MINDY4B: variants seen among roughly 807,000 people sequenced by gnomAD.
MINDY4B encodes the protein inactive ubiquitin carboxyl-terminal hydrolase MINDY-4B.
A neutral mutation model predicts 16.7 loss-of-function variants in MINDY4B; 25 were observed. That is an observed-to-expected ratio of 1.49 (90% CI 1.09 to 2.09). The LOEUF (loss-of-function observed/expected upper bound fraction) is 2.09, where lower values mean the gene tolerates loss of function less well. Ranked by LOEUF, MINDY4B falls within the 30% of genes most tolerant of loss-of-function variation. The pLI is 0.00. For synonymous variants in MINDY4B, 132 were observed against 61.9 expected, an observed-to-expected ratio of 2.13 and a Z score of -5.32; for missense variants, 327 against 168.4, an observed-to-expected ratio of 1.94 and a Z score of -5.21.
In MINDY4B at chr3:150,905,391, A is replaced by T. The variant is rs1712215613; in HGVS notation, c.49T>A (p.Leu17Ile). ...GAAATTTTCCTTGAGATCTCCTCTA[A>T]ATCCAGCTGTTCGGAGCTTTGTTCC... ...GQEQSSEQLD[L>I]EEISRKISFL... Residue 17 changes from leucine to isoleucine, a missense_variant, in exon 1 of 12, where the codon TTA (leucine) becomes ATA (isoleucine). Physicochemically the swap from Leu to Ile is conservative, Grantham distance 5. Transcript: ENST00000465419. 1 of 398,464 alleles carries T rather than the reference A, an allele frequency of 2.5e-6. No individual in the cohort carries two copies. The allele number at this position is 398,464 out of a possible 1,614,324, so 24.7% of individuals were successfully genotyped here. A position where few individuals can be genotyped will look rare whatever the true frequency, so the allele number is the denominator to read the frequency against.
At chr3:150,904,943 T>G (rs1286903646) in intron 2 of MINDY4B, 119 bp downstream of exon 2, 1 of 397,700 alleles carries the variant, frequency 2.5e-6, no homozygotes, top group Non-Finnish European at 4.4e-6. Flanking sequence ...TTTTCACGCG[T>G]TAAATGCCAG....
intron 10 of MINDY4B, among the ~76,000 whole-genome samples, chr3:150,874,409 G>A (rs1576608950): frequency 6.6e-6 from 1 of 152,188 alleles, no homozygotes; most frequent in South Asian, 2.1e-4. Flanking sequence ...CAAACTTCTA[G>A]TGCGTTTCTA....
rs60659488 is a variant in MINDY4B, at chr3:150,880,305, C to CTGTGTGTGTGTGTG, written c.1059+2578_1059+2591dup. ...CCTCACCTTTATGCCAGGTTCCCAT[C>CTGTGTGTGTGTGTG]TGTGTGTGTGTGTGTGTGTGTGTGT... On this transcript the variant is annotated intron_variant, in intron 10 of 11. Coordinates refer to ENST00000465419, the MANE Select transcript of MINDY4B (RefSeq NM_001351281.2). Among the ~76,000 whole-genome samples, 385 of 149,884 alleles carry CTGTGTGTGTGTGTG rather than the reference C, an allele frequency of 2.6e-3. 1 individual carries two copies. Among genetic ancestry groups the CTGTGTGTGTGTGTG allele is most frequent in the African/African-American group, 8.5e-3 (346 of 40,820 alleles).
intron 3 of MINDY4B, among the ~76,000 whole-genome samples, chr3:150,902,576 C>T (rs1431649036): frequency 6.6e-6 from 1 of 152,228 alleles, no homozygotes. Context: ...TTTGCCAAGG[C>T]ACTACCTCCA....
intron 3 of MINDY4B, among the ~76,000 whole-genome samples, chr3:150,896,917 A>T (rs1711986807): frequency 6.6e-6 from 1 of 152,244 alleles, no homozygotes; most frequent in South Asian, 2.1e-4. Context: ...GCCACACATG[A>T]TAAAAATATA....
intron 10 of MINDY4B, among the ~76,000 whole-genome samples, chr3:150,876,817 G>A (rs1406598445): frequency 1.3e-5 from 2 of 152,212 alleles, no homozygotes; most frequent in East Asian, 1.9e-4. Flanking sequence ...AGTGGCAGGT[G>A]TGAAGATAAT....
chr3:150,891,629 G>A (rs1181856486), intron 5 of MINDY4B, among the ~76,000 whole-genome samples: 1 of 151,976 alleles, frequency 6.6e-6, no homozygotes, highest in Non-Finnish European at 1.5e-5. Flanking sequence ...GGGCATGGTG[G>A]CAGGCGCCTG....
intron 11 of MINDY4B, among the ~76,000 whole-genome samples, chr3:150,871,562 AAAG>A (rs1195152968): frequency 6.6e-6 from 1 of 152,000 alleles, no homozygotes; most frequent in African/African-American, 2.4e-5. Flanking sequence ...AAAAAAAAAA[AAAG>A]AGGCCAGGCA....
At chr3:150,891,545 T>A (rs916925788) in intron 5 of MINDY4B, among the ~76,000 whole-genome samples, 1 of 152,068 alleles carries the variant, frequency 6.6e-6, no homozygotes, top group African/African-American at 2.4e-5. Context: ...GTGGATAACT[T>A]GAGGTCAGGA....
chr3:150,873,526 C>G (rs1164406753), intron 10 of MINDY4B, among the ~76,000 whole-genome samples, 159 bp from the exon 11 acceptor site: 1 of 152,120 alleles, frequency 6.6e-6, no homozygotes, highest in Non-Finnish European at 1.5e-5. Context: ...ATCAAGGCTT[C>G]GTCATGAATA....
At chr3:150,893,687 G>T (rs1711879162) in intron 4 of MINDY4B, among the ~76,000 whole-genome samples, 1 of 64,544 alleles carries the variant, frequency 1.5e-5, no homozygotes. Flanking sequence ...CTTCATAGTA[G>T]TTTTTTTTTG....
chr3:150,871,861 C>T (rs542080787), intron 11 of MINDY4B, among the ~76,000 whole-genome samples: 8 of 152,222 alleles, frequency 5.3e-5, no homozygotes, highest in East Asian at 1.9e-4. Context: ...ACCAACCAAC[C>T]GACCCCACTT....
In MINDY4B at chr3:150,885,461, G is replaced by GAAAAGAAAAGC. The variant is rs57919280; in HGVS notation, c.754-24_754-23insGCTTTTCTTTT. On this transcript the variant is annotated intron_variant, in intron 7 of 11. Coordinates refer to ENST00000465419, the MANE Select transcript of MINDY4B (RefSeq NM_001351281.2). ...GAACTGTTCGGAAAAGAAAAGAAAA[G>GAAAAGAAAAGC]CATGTTGGTCTAAAAGCAACACAGA... is the stretch of plus-strand genomic sequence containing the variant. The GAAAAGAAAAGC allele has an allele frequency of 0.027, 18,569 of 699,402 alleles. 2,457 individuals carry two copies. The African/African-American group carries it at 0.28, about 11-fold the overall frequency. 43.3% of individuals were successfully genotyped at this position (699,402 alleles called of 1,614,324 possible). A position where few individuals can be genotyped will look rare whatever the true frequency, so the allele number is the denominator to read the frequency against.
rs146654774 is a variant in MINDY4B, at chr3:150,879,194, A to G, written c.1059+3703T>C. Among the ~76,000 whole-genome samples the G allele has an allele frequency of 4.8e-3, 737 of 152,264 alleles. 8 individuals are homozygous for G. The highest frequency in any genetic ancestry group is 0.017 in the African/African-American group (709 of 41,560). On this transcript the variant is annotated intron_variant, in intron 10 of 11. Coordinates refer to ENST00000465419, the MANE Select transcript of MINDY4B (RefSeq NM_001351281.2). The stretch of plus-strand genomic sequence containing the variant: ...TTCAGTTGAAATAGCTAGTTGGCCA[A>G]TTCTGCACACCATGGATTTAATCAG...
At chr3:150,881,613 T>TAAA (rs1711522654) in intron 10 of MINDY4B, among the ~76,000 whole-genome samples, 6 of 21,560 alleles carry the variant, frequency 2.8e-4, no homozygotes, top group Middle Eastern at 0.053. Context: ...CTGTCTCTGT[T>TAAA]TAAAAAAAAA....
intron 3 of MINDY4B, among the ~76,000 whole-genome samples, chr3:150,896,825 G>C (rs1035281972): frequency 6.6e-6 from 1 of 151,992 alleles, no homozygotes; most frequent in African/African-American, 2.4e-5. Context: ...TCACCAGCTT[G>C]GGACACATTT....
At chr3:150,893,684 G>A (rs796994508) in intron 4 of MINDY4B, among the ~76,000 whole-genome samples, 23 of 110,054 alleles carry the variant, frequency 2.1e-4, no homozygotes, top group African/African-American at 8.5e-4. Context: ...CTGCTTCATA[G>A]TAGTTTTTTT....
At chr3:150,901,103 T>A (rs988304407) in intron 3 of MINDY4B, 1 of 152,222 alleles carries the variant, frequency 6.6e-6, no homozygotes, top group Non-Finnish European at 1.5e-5. Flanking sequence ...AAAGGTAGCC[T>A]ATTTTTCAGA....
At chr3:150,889,986 T>G (rs952378819) in intron 7 of MINDY4B, among the ~76,000 whole-genome samples, 1 of 152,186 alleles carries the variant, frequency 6.6e-6, no homozygotes, top group Non-Finnish European at 1.5e-5. Flanking sequence ...TTTATTTTAT[T>G]TTTTCACCAT....
Sources: gnomAD v4.1 joint callset for allele counts (sites outside exome capture counted in the v4.1 genomes callset) on GRCh38, gnomAD v4.1.1 for gene constraint, MANE v1.5 for transcripts, NCBI Gene and HGNC (gene_info 2026-07-23, HGNC 2026-07-21) for gene names.